MEP1A: variants seen among roughly 807,000 people sequenced by gnomAD.
The protein encoded by MEP1A is N-benzoyl-L-tyrosyl-P-amino-benzoic acid hydrolase subunit alpha.
In MEP1A, 68 loss-of-function variants were observed where a neutral mutation model predicts 84.5. The observed-to-expected ratio is 0.80, with a 90% CI of 0.66 to 0.98. The LOEUF (loss-of-function observed/expected upper bound fraction) is 0.98, where lower values mean the gene tolerates loss of function less well. MEP1A is among the 50% of genes least tolerant of loss of function. The probability of loss-of-function intolerance (pLI) is 0.00; values close to 1 mark genes in which losing one functional copy is unlikely to be tolerated. For missense variants in MEP1A, 887 were observed against 919.9 expected (o/e 0.96, Z 0.46); for synonymous variants, 337 against 336.8 (o/e 1.00, Z -0.01).
At chr6:46,808,052 T>A (rs1767406304) in intron 5 of MEP1A, among the ~76,000 whole-genome samples, 1 of 152,066 alleles carries the variant, frequency 6.6e-6, no homozygotes, top group South Asian at 2.1e-4. Flanking sequence ...GGTATAATTT[T>A]AAAATTAATC....
intron 6 of MEP1A, among the ~76,000 whole-genome samples, chr6:46,813,011 T>G (rs957109410): frequency 1.3e-5 from 2 of 152,086 alleles, no homozygotes; most frequent in African/African-American, 2.4e-5. Context: ...TAAAGTCCAT[T>G]GTTTCTTTGT....
rs1359420839 is a variant in MEP1A, at chr6:46,833,544, T to A, written c.1609+6T>A. On this transcript the variant is annotated splice_donor_region_variant and intron_variant, in intron 11 of 13. Coordinates refer to ENST00000230588, the MANE Select transcript of MEP1A (RefSeq NM_005588.3). The stretch of plus-strand genomic sequence containing the variant: ...GAAGTCGCACACATCTCCAGGTGGG[T>A]GGTGTCAGCGCAAATAAGAACTGCC... The A allele has an allele frequency of 1.2e-6, 2 of 1,610,430 alleles. No individual in the cohort carries two copies. The highest frequency in any genetic ancestry group is 2.2e-5 in the South Asian group (2 of 90,948).
chr6:46,799,834 G>A (rs1397871613), intron 5 of MEP1A, among the ~76,000 whole-genome samples: 2 of 152,134 alleles, frequency 1.3e-5, no homozygotes, highest in Non-Finnish European at 2.9e-5. Flanking sequence ...TCAAGCAGTT[G>A]ACTGACAGCT....
intron 6 of MEP1A, among the ~76,000 whole-genome samples, chr6:46,814,013 T>G (rs1482104455): frequency 6.6e-6 from 1 of 152,194 alleles, no homozygotes; most frequent in East Asian, 1.9e-4. Flanking sequence ...TGAGATAACC[T>G]GATGACTGTG....
chr6:46,796,125 G>A (rs538845051), intron 3 of MEP1A, among the ~76,000 whole-genome samples: 2 of 152,180 alleles, frequency 1.3e-5, no homozygotes, highest in East Asian at 1.9e-4. Flanking sequence ...CAGCAGCATC[G>A]GCATCACCAG....
intron 7 of MEP1A, 142 bp from the exon 8 acceptor site, chr6:46,825,130 A>G (rs1030365091): frequency 2.0e-5 from 4 of 201,708 alleles, no homozygotes; most frequent in Non-Finnish European, 3.8e-5. Context: ...TTTATAAATT[A>G]TGTATTTAAA....
intron 7 of MEP1A, among the ~76,000 whole-genome samples, chr6:46,820,112 G>T (rs769396471): frequency 6.6e-6 from 1 of 152,022 alleles, no homozygotes; most frequent in African/African-American, 2.4e-5. Context: ...TGACTATAGG[G>T]CATACTCAAG....
At chr6:46,824,628 T>G (rs1767862665) in intron 7 of MEP1A, among the ~76,000 whole-genome samples, 1 of 133,242 alleles carries the variant, frequency 7.5e-6, no homozygotes, top group African/African-American at 2.9e-5. Flanking sequence ...ATATAAATTA[T>G]ATATTTAAAT....
Position 46,834,623 on chromosome 6 carries a change from C to A in MEP1A, c.1655C>A (p.Thr552Asn). ...TGGGACAGGCCGTCCAGGGTGGGAA[C>A]CTATCATACGGACTGTAATTGTTTT... ...VIWDRPSRVGTYHTDCNCFRS... is the reference protein window; with the variant it reads ...VIWDRPSRVGNYHTDCNCFRS... The change falls in exon 12 of 14, where the codon ACC becomes AAC. Residue 552 changes from threonine to asparagine, a missense_variant. Physicochemically the swap from Thr to Asn is moderately conservative, Grantham distance 65. Coordinates refer to ENST00000230588, the MANE Select transcript of MEP1A (RefSeq NM_005588.3). 6.2e-7 allele frequency: 1 copy of A among 1,611,210 alleles called. No individual in the cohort carries two copies. The highest frequency in any genetic ancestry group is 8.5e-7 in the Non-Finnish European group (1 of 1,179,368).
At chr6:46,830,744 A>C (rs1236153083) in intron 10 of MEP1A, among the ~76,000 whole-genome samples, 1 of 152,200 alleles carries the variant, frequency 6.6e-6, no homozygotes, top group Non-Finnish European at 1.5e-5. Context: ...ACAGGTGCCC[A>C]AATCGCCTAT....
At chr6:46,842,854 T>C (rs1437224686), downstream of MEP1A, among the ~76,000 whole-genome samples, 1 of 152,124 alleles carries the variant, frequency 6.6e-6, no homozygotes, top group Non-Finnish European at 1.5e-5. Flanking sequence ...TTGTACTCTT[T>C]CTCTTTATTT....
In MEP1A at chr6:46,824,781, A is replaced by ATATATATAAATGATATATTTAAT. The variant is rs1562113449; in HGVS notation, c.557-489_557-488insTATATAAATGATATATTTAATTA. Among the ~76,000 whole-genome samples the ATATATATAAATGATATATTTAAT allele has an allele frequency of 5.0e-4, 32 of 63,948 alleles. 4 individuals carry two copies. The highest frequency in any genetic ancestry group is 2.0e-3 in the African/African-American group (25 of 12,780). 42.0% of individuals were successfully genotyped at this position (63,948 alleles called of 152,430 possible). On this transcript the variant is annotated intron_variant, in intron 7 of 13. Transcript: ENST00000230588. ...AAATATATATAAATTATGTATTTAA[A>ATATATATAAATGATATATTTAAT]TAGATGTATTTAAATATATATAAAT...
chr6:46,809,542 G>A lies in MEP1A; in HGVS notation c.380+5G>A. 4 of 1,571,262 alleles carry A rather than the reference G, an allele frequency of 2.5e-6. No homozygotes were observed. Among genetic ancestry groups the A allele is most frequent in the Non-Finnish European group, 3.5e-6 (4 of 1,147,892 alleles). On this transcript the variant is annotated splice_donor_5th_base_variant and intron_variant, in intron 6 of 13. Transcript: ENST00000230588. Reference sequence around the variant, plus strand: ...CATATTTCAACAGTTTGATGGGTTGGTATGAAATTTTACGGAGTGAAAATC... The same window carrying A: ...CATATTTCAACAGTTTGATGGGTTGATATGAAATTTTACGGAGTGAAAATC...
rs538614436 is a variant in MEP1A, at chr6:46,809,311, T to G, written c.263-109T>G. The stretch of plus-strand genomic sequence containing the variant: ...CTATTTATTACCAAAAACCCTATCA[T>G]GCACCTCTGTGGATTTAATGTGGCA... On this transcript the variant is annotated intron_variant, in intron 5 of 13. Transcript: ENST00000230588. 6 of 685,462 alleles carry G rather than the reference T, an allele frequency of 8.8e-6. No individual in the cohort carries two copies. The Admixed American group carries it at 1.2e-4, about 13-fold the overall frequency. The allele number at this position is 685,462 out of a possible 1,614,324, so 42.5% of individuals were successfully genotyped here.
intron 5 of MEP1A, among the ~76,000 whole-genome samples, chr6:46,807,640 A>T (rs1472220399): frequency 6.9e-6 from 1 of 144,372 alleles, no homozygotes; most frequent in Non-Finnish European, 1.5e-5. Context: ...AAGGAAAGGG[A>T]GAAAGGAGAG....
chr6:46,819,741 T>C, intron 7 of MEP1A, 37 bp downstream of exon 7: 1 of 1,598,592 alleles, frequency 6.3e-7, no homozygotes, highest in South Asian at 1.1e-5. Context: ...CATTTATCAC[T>C]GGCTGAGACC....
chr6:46,809,700 T>G (rs546904402), intron 6 of MEP1A, among the ~76,000 whole-genome samples, 163 bp downstream of exon 6: 1 of 152,096 alleles, frequency 6.6e-6, no homozygotes, highest in Admixed American at 6.6e-5. Context: ...GTTTTTTCCA[T>G]TCCTGAGTTA....
At chr6:46,799,864 A>G (rs1767153977) in intron 5 of MEP1A, among the ~76,000 whole-genome samples, 2 of 152,204 alleles carry the variant, frequency 1.3e-5, no homozygotes, top group Non-Finnish European at 2.9e-5. Flanking sequence ...TGATGACTCA[A>G]TGTCTGCAAG....
intron 7 of MEP1A, among the ~76,000 whole-genome samples, chr6:46,820,113 C>T (rs570432151): frequency 3.9e-5 from 6 of 152,112 alleles, no homozygotes; most frequent in African/African-American, 1.4e-4. Context: ...GACTATAGGG[C>T]ATACTCAAGA....
Sources: gnomAD v4.1 joint callset for allele counts (sites outside exome capture counted in the v4.1 genomes callset) on GRCh38, gnomAD v4.1.1 for gene constraint, MANE v1.5 for transcripts, NCBI Gene and HGNC (gene_info 2026-07-23, HGNC 2026-07-21) for gene names.